ZNF695: variants seen among roughly 807,000 people sequenced by gnomAD.
ZNF695 encodes zinc finger protein 695.
In ZNF695, 11 loss-of-function variants were observed where a neutral mutation model predicts 11.2. The observed-to-expected ratio is 0.98, with a 90% CI of 0.62 to 1.62. ZNF695 has a LOEUF of 1.62. ZNF695 is among the 40% of genes most tolerant of loss of function. The pLI is 0.00. For missense variants in ZNF695, 559 were observed against 590.5 expected (o/e 0.95, Z 0.55); for synonymous variants, 190 against 201.4 (o/e 0.94, Z 0.48).
intron 5 of ZNF695, among the ~76,000 whole-genome samples, chr1:246,949,528 T>C (rs866965642): frequency 7.3e-4 from 111 of 151,384 alleles, no homozygotes; most frequent in African/African-American, 2.6e-3. Flanking sequence ...GAGGTGGAGG[T>C]TGCAGTGAGC....
chr1:246,967,710 A>T, exon 5 of ZNF695: 1 of 399,134 alleles, frequency 2.5e-6, no homozygotes, highest in South Asian at 1.9e-5. Flanking sequence ...TGTGGGCTTT[A>T]CATGCTTCTG....
chr1:247,000,201 T>C lies in ZNF695; in HGVS notation c.4-127A>G, dbSNP rs531252148. On this transcript the variant is annotated intron_variant, in intron 1 of 3. Coordinates refer to ENST00000339986, the MANE Select transcript of ZNF695 (RefSeq NM_020394.5). The stretch of plus-strand genomic sequence containing the variant: ...TGACTAGAATTATCAAATAAGATAA[T>C]TTTTAACACAGAAATATACTCTAGG... 2.8e-4 allele frequency: 229 copies of C among 824,892 alleles called. No individual in the cohort carries two copies. The East Asian group carries it at 6.5e-3, about 23-fold the overall frequency. 51.1% of individuals were successfully genotyped at this position (824,892 alleles called of 1,614,324 possible). A position where few individuals can be genotyped will look rare whatever the true frequency, so the allele number is the denominator to read the frequency against.
At chr1:246,984,957 A>G (rs764076321), downstream of ZNF695, among the ~76,000 whole-genome samples, 8 of 152,232 alleles carry the variant, frequency 5.3e-5, no homozygotes, top group Non-Finnish European at 8.8e-5. Context: ...TTTCATGTGG[A>G]AATTCTGCAA....
chr1:247,001,712 C>CAAAAAAAAAAAAAA (rs56131097), intron 1 of ZNF695, among the ~76,000 whole-genome samples: 2 of 79,236 alleles, frequency 2.5e-5, no homozygotes, highest in Non-Finnish European at 4.8e-5. Context: ...GACTTCGTCT[C>CAAAAAAAAAAAAAA]AAAAAAAAAA....
In ZNF695 at chr1:246,987,265, A is replaced by G. The variant is rs769636590; in HGVS notation, c.1250T>C (p.Phe417Ser). The part of the protein sequence containing the change: ...PYKCEECGKA[F>S]TWFSYLTQHK... ...TTGAGTAAGGTATGAAAACCAGGTAAAAGCTTTGCCACATTCCTCACATTT... is the reference window on the plus strand; with the variant it reads ...TTGAGTAAGGTATGAAAACCAGGTAGAAGCTTTGCCACATTCCTCACATTT... The change falls in exon 4 of 4, where the codon TTT becomes TCT. Residue 417 changes from phenylalanine (F) to serine (S), a missense_variant. Transcript: ENST00000339986. The G allele has an allele frequency of 6.8e-6, 11 of 1,613,874 alleles. No individual in the cohort carries two copies. The highest frequency in any genetic ancestry group is 1.3e-5 in the African/African-American group (1 of 74,908).
chr1:246,949,516 A>G (rs56006912), intron 5 of ZNF695, among the ~76,000 whole-genome samples: 34,159 of 151,288 alleles, frequency 0.23, 4,069 homozygotes, highest in East Asian at 0.36. Flanking sequence ...GCTTGAACCC[A>G]GGAGGTGGAG....
At chr1:246,998,283 GCAA>G (rs1669264568) in intron 3 of ZNF695, among the ~76,000 whole-genome samples, 1 of 152,052 alleles carries the variant, frequency 6.6e-6, no homozygotes, top group South Asian at 2.1e-4. Flanking sequence ...TTAAAGGAAG[GCAA>G]CAAGTGGGAG....
intron 1 of ZNF695, among the ~76,000 whole-genome samples, chr1:247,004,895 A>C (rs1430633787): frequency 6.6e-6 from 1 of 152,242 alleles, no homozygotes; most frequent in Non-Finnish European, 1.5e-5. Context: ...TCAACAACAG[A>C]AACTATAAAC....
chr1:247,000,859 C>T (rs1258404113), intron 1 of ZNF695, among the ~76,000 whole-genome samples: 3 of 152,194 alleles, frequency 2.0e-5, no homozygotes, highest in African/African-American at 7.2e-5. Flanking sequence ...AACAAGTCTA[C>T]ATAACAACCA....
intron 4 of ZNF695, among the ~76,000 whole-genome samples, chr1:246,970,257 A>G (rs1668391193): frequency 1.3e-5 from 2 of 152,228 alleles, no homozygotes; most frequent in African/African-American, 4.8e-5. Context: ...CTGACAAAAT[A>G]TACGAAACAA....
chr1:246,974,510 T>C (rs550388152), intron 4 of ZNF695, among the ~76,000 whole-genome samples: 26 of 152,342 alleles, frequency 1.7e-4, no homozygotes, highest in Admixed American at 7.2e-4. Flanking sequence ...GTTAGCTATA[T>C]CGTATCATAC....
chr1:246,956,452 C>CA (rs1457453693), intron 5 of ZNF695, among the ~76,000 whole-genome samples: 1 of 151,070 alleles, frequency 6.6e-6, no homozygotes, highest in Non-Finnish European at 1.5e-5. Context: ...CCCGTCTCTA[C>CA]AAAAAATACA....
At chr1:246,947,584 A>G (rs1312704883) in intron 5 of ZNF695, among the ~76,000 whole-genome samples, 1 of 152,178 alleles carries the variant, frequency 6.6e-6, no homozygotes, top group Non-Finnish European at 1.5e-5. Flanking sequence ...TGAAGCGACA[A>G]TCAGGCTTTT....
At chr1:246,974,146 AAAC>A (rs1164787542) in intron 4 of ZNF695, among the ~76,000 whole-genome samples, 2 of 110,524 alleles carry the variant, frequency 1.8e-5, no homozygotes, top group African/African-American at 9.8e-5. Context: ...TTGGAATAAA[AAAC>A]AAACAAACAA....
intron 4 of ZNF695, among the ~76,000 whole-genome samples, chr1:246,971,076 T>A (rs1329236669): frequency 1.3e-5 from 2 of 152,222 alleles, no homozygotes; most frequent in Non-Finnish European, 2.9e-5. Context: ...TGGCCCCGAA[T>A]GCATGGCTGC....
Position 246,986,121 on chromosome 1 carries a change from G to T in ZNF695, c.*846C>A. Reference sequence around the variant, plus strand: ...GTCTTGCTCTGTTGCCCAGGCAGGAGTGAAGTTGCCAGATAGCAGCTCACT... The same window carrying T: ...GTCTTGCTCTGTTGCCCAGGCAGGATTGAAGTTGCCAGATAGCAGCTCACT... On this transcript the variant is annotated 3_prime_UTR_variant, in exon 4 of 4. Coordinates refer to ENST00000339986, the MANE Select transcript of ZNF695 (RefSeq NM_020394.5). 1 of 886,988 alleles carries T rather than the reference G, an allele frequency of 1.1e-6. No individual in the cohort carries two copies. Among genetic ancestry groups the T allele is most frequent in the Non-Finnish European group, 1.4e-6 (1 of 740,258 alleles). 54.9% of individuals were successfully genotyped at this position (886,988 alleles called of 1,614,324 possible). A position where few individuals can be genotyped will look rare whatever the true frequency, so the allele number is the denominator to read the frequency against.
At position 246,985,336 on chromosome 1, in the gene ZNF695, C is replaced by T; in HGVS notation, c.*1631G>A. The T allele has an allele frequency of 1.0e-6, 1 of 983,210 alleles. No homozygotes were observed. The highest frequency in any genetic ancestry group is 1.2e-6 in the Non-Finnish European group (1 of 827,982). 60.9% of individuals were successfully genotyped at this position (983,210 alleles called of 1,614,324 possible). On this transcript the variant is annotated 3_prime_UTR_variant, in exon 4 of 4. Transcript: ENST00000339986. ...AAATACACGGTCTTTGATTATAATCCTATATAGGCTTTATTATAGCCTTAA... is the reference window on the plus strand; with the variant it reads ...AAATACACGGTCTTTGATTATAATCTTATATAGGCTTTATTATAGCCTTAA...
At chr1:247,005,944 G>T (rs1362742849) in intron 1 of ZNF695, among the ~76,000 whole-genome samples, 1 of 152,190 alleles carries the variant, frequency 6.6e-6, no homozygotes, top group African/African-American at 2.4e-5. Flanking sequence ...AGCCACTCAT[G>T]GCTGGGCACG....
intron 5 of ZNF695, among the ~76,000 whole-genome samples, chr1:246,954,710 A>T (rs1667946745): frequency 6.6e-6 from 1 of 152,154 alleles, no homozygotes; most frequent in African/African-American, 2.4e-5. Flanking sequence ...GGATTAGACG[A>T]TCTCTCAGGC....
Sources: allele counts gnomAD v4.1 joint callset (sites outside exome capture counted in the v4.1 genomes callset), GRCh38; gene constraint gnomAD v4.1.1; transcripts MANE v1.5; gene names NCBI Gene and HGNC (gene_info 2026-07-23, HGNC 2026-07-21).